Variants in UPF1 observed in about 807,000 individuals in gnomAD.
The protein encoded by UPF1 is regulator of nonsense transcripts 1.
In UPF1, 9 loss-of-function variants were observed where a neutral mutation model predicts 129.2. That is an observed-to-expected ratio of 0.07 (90% CI 0.04 to 0.12). UPF1 has a LOEUF of 0.12. Among genes scored for constraint, UPF1 ranks in the 10% least tolerant of loss-of-function variants. The pLI, the probability that UPF1 is intolerant of heterozygous loss-of-function variation, is 1.00. For missense variants in UPF1, 788 were observed against 1,525.3 expected (o/e 0.52, Z 8.05); for synonymous variants, 649 against 644.9 (o/e 1.01, Z -0.10).
At chr19:18,845,543 G>T (rs1214920372) in intron 1 of UPF1, among the ~76,000 whole-genome samples, 2 of 152,186 alleles carry the variant, frequency 1.3e-5, no homozygotes, top group African/African-American at 4.8e-5. Flanking sequence ...GATGTGGCCA[G>T]TGACATTTCC....
chr19:18,868,188 A>C lies in UPF1; in HGVS notation c.*1671A>C. On this transcript the variant is annotated 3_prime_UTR_variant, in exon 24 of 24. Transcript: ENST00000262803. Reference sequence around the variant, plus strand: ...GTAACTTTTGATTTTCGGTCAATTTAAGTTCTTTTGTCACCAAATATTAAT... The same window carrying C: ...GTAACTTTTGATTTTCGGTCAATTTCAGTTCTTTTGTCACCAAATATTAAT... 4.2e-6 allele frequency: 1 copy of C among 236,120 alleles called. No homozygotes were observed. Among genetic ancestry groups the C allele is most frequent in the Non-Finnish European group, 8.5e-6 (1 of 117,566 alleles). 14.6% of individuals were successfully genotyped at this position (236,120 alleles called of 1,614,324 possible).
intron 9 of UPF1, 85 bp downstream of exon 9, chr19:18,854,794 G>C (rs1175561124): frequency 4.4e-6 from 7 of 1,606,194 alleles, no homozygotes; most frequent in Non-Finnish European, 6.0e-6. Flanking sequence ...TGTGGAGTGG[G>C]GTTCCCCACC....
intron 3 of UPF1, 87 bp from the exon 4 acceptor site, chr19:18,849,988 A>C: frequency 1.3e-6 from 2 of 1,534,642 alleles, no homozygotes; most frequent in Non-Finnish European, 1.8e-6. Context: ...CGTGAACGGT[A>C]CCGGAACTTT....
At chr19:18,864,745 T>TTTG (rs1394374786) in intron 20 of UPF1, among the ~76,000 whole-genome samples, 4 of 141,828 alleles carry the variant, frequency 2.8e-5, no homozygotes, top group African/African-American at 7.9e-5. Context: ...TTTTTTTTTT[T>TTTG]TTTTTTTTTT....
intron 15 of UPF1, 112 bp downstream of exon 15, chr19:18,857,645 C>G: frequency 8.0e-7 from 1 of 1,253,066 alleles, no homozygotes; most frequent in Non-Finnish European, 1.1e-6. Context: ...CTTCACATAG[C>G]CACTGCTTGA....
intron 1 of UPF1, among the ~76,000 whole-genome samples, chr19:18,833,463 G>C (rs996569297): frequency 6.6e-6 from 1 of 151,840 alleles, no homozygotes; most frequent in Non-Finnish European, 1.5e-5. Context: ...TGGATGTTTA[G>C]AGAAGGTTAC....
At position 18,851,310 on chromosome 19, in the gene UPF1, G is replaced by A. The variant is rs1402701302; in HGVS notation, c.810+442G>A. Among the ~76,000 whole-genome samples, 2 of 152,164 alleles carry A rather than the reference G, an allele frequency of 1.3e-5. No homozygotes were observed. The highest frequency in any genetic ancestry group is 4.8e-5 in the African/African-American group (2 of 41,438). On this transcript the variant is annotated intron_variant, in intron 5 of 23. Transcript: ENST00000262803. This position sits in a 1 kb window ranked among gnomAD's most constrained non-coding sequence, Gnocchi z 4.2. Reference sequence around the variant, plus strand: ...GAGAGGGTGCCGGGTCAAGTAGTGGGTGCCTGGCCCTCCTTCCACAGACAG... The same window carrying A: ...GAGAGGGTGCCGGGTCAAGTAGTGGATGCCTGGCCCTCCTTCCACAGACAG...
chr19:18,855,317 G>A, intron 11 of UPF1, 75 bp downstream of exon 11: 15 of 1,525,578 alleles, frequency 9.8e-6, no homozygotes, highest in Non-Finnish European at 1.3e-5. Flanking sequence ...CTGGTGCTGG[G>A]AGCCTTGGGC....
At chr19:18,847,531 C>T (rs1212470586) in intron 2 of UPF1, among the ~76,000 whole-genome samples, 2 of 152,210 alleles carry the variant, frequency 1.3e-5, no homozygotes, top group South Asian at 4.1e-4. Flanking sequence ...CTCCTTATCC[C>T]CTCGGAGCTT....
intron 11 of UPF1, chr19:18,855,447 A>G (rs944313816): frequency 1.6e-6 from 1 of 642,764 alleles, no homozygotes; most frequent in South Asian, 2.0e-5. Context: ...CAGGTCTGCT[A>G]CTGGTTTAGA....
intron 9 of UPF1, 46 bp from the exon 10 acceptor site, chr19:18,854,833 G>C (rs750192347): frequency 1.2e-6 from 2 of 1,608,446 alleles, no homozygotes; most frequent in Admixed American, 3.3e-5. Context: ...ATGTCGGAGA[G>C]GCGGCCACAG....
At position 18,856,949 on chromosome 19, in the gene UPF1, A is replaced by C. The variant is rs771162068; in HGVS notation, c.1897A>C (p.Ile633Leu). Residue 633 changes from isoleucine (I) to leucine (L), a missense_variant, in exon 14 of 24, where the codon ATT becomes CTT. Physicochemically the swap from Ile to Leu is conservative, Grantham distance 5 (BLOSUM62 2). Coordinates refer to ENST00000262803, the MANE Select transcript of UPF1 (RefSeq NM_002911.4). ...GCTGGCCAAGATGCAGTTCCGCTCC[A>C]TTTTAATCGACGAAAGCACCCAGGC... The part of the protein sequence containing the change: ...PRLAKMQFRS[I>L]LIDESTQATE... 1.1e-5 allele frequency: 18 copies of C among 1,612,610 alleles called. No individual in the cohort carries two copies. The highest frequency in any genetic ancestry group is 1.4e-5 in the Non-Finnish European group (17 of 1,180,012).
At chr19:18,844,977 C>T (rs1316398375) in intron 1 of UPF1, among the ~76,000 whole-genome samples, 3 of 152,266 alleles carry the variant, frequency 2.0e-5, no homozygotes, top group Non-Finnish European at 4.4e-5. Context: ...GCAGGTAGCA[C>T]GTGCCCATGC....
chr19:18,850,953 A>G lies in UPF1; in HGVS notation c.810+85A>G. The G allele has an allele frequency of 7.1e-7, 1 of 1,414,206 alleles. No individual in the cohort carries two copies. The highest frequency in any genetic ancestry group is 9.3e-7 in the Non-Finnish European group (1 of 1,074,422). The allele number at this position is 1,414,206 out of a possible 1,614,324, so 87.6% of individuals were successfully genotyped here. A position where few individuals can be genotyped will look rare whatever the true frequency, so the allele number is the denominator to read the frequency against. On this transcript the variant is annotated intron_variant, in intron 5 of 23. Coordinates refer to ENST00000262803, the MANE Select transcript of UPF1 (RefSeq NM_002911.4). This position sits in a 1 kb window ranked among gnomAD's most constrained non-coding sequence, Gnocchi z 7.1. ...AGTGTCTTCAGAGACGGCTTGACCCAGTGAGACCGCTGGAGATTCTCTGAA... is the reference window on the plus strand; with the variant it reads ...AGTGTCTTCAGAGACGGCTTGACCCGGTGAGACCGCTGGAGATTCTCTGAA...
At chr19:18,843,280 C>T (rs1291954649) in intron 1 of UPF1, among the ~76,000 whole-genome samples, 3 of 152,072 alleles carry the variant, frequency 2.0e-5, no homozygotes, top group Non-Finnish European at 4.4e-5. Flanking sequence ...ACAGACAATG[C>T]CCCACGGGGG....
chr19:18,832,203 A>G lies in UPF1; in HGVS notation c.-7A>G, dbSNP rs762027013. The G allele has an allele frequency of 1.3e-6, 2 of 1,535,310 alleles. No individual in the cohort carries two copies. Among genetic ancestry groups the G allele is most frequent in the African/African-American group, 1.4e-5 (1 of 69,396 alleles). The stretch of plus-strand genomic sequence containing the variant: ...GAACCGGCCCGAGGGCCCTACCCGG[A>G]GGCACCATGAGCGTGGAGGCGTACG... On this transcript the variant is annotated 5_prime_UTR_variant, in exon 1 of 24. Coordinates refer to ENST00000262803, the MANE Select transcript of UPF1 (RefSeq NM_002911.4). The surrounding 1 kb of genome is among the most constrained non-coding windows in gnomAD (Gnocchi z 5.6).
intron 17 of UPF1, among the ~76,000 whole-genome samples, chr19:18,861,570 C>T (rs901326154): frequency 1.3e-5 from 2 of 152,228 alleles, no homozygotes; most frequent in African/African-American, 4.8e-5. Context: ...TCATGGCCCA[C>T]ACCTGGAGTC....
chr19:18,855,833 G>A, intron 11 of UPF1, 92 bp from the exon 12 acceptor site: 3 of 1,509,458 alleles, frequency 2.0e-6, no homozygotes, highest in Non-Finnish European at 1.8e-6. Context: ...GGGCAACAGA[G>A]CAAGACCCTG....
Position 18,832,377 on chromosome 19 carries a change from T to G in UPF1, c.168T>G (p.Gly56=), listed in dbSNP as rs2055436220. The change falls in exon 1 of 24, where the codon GGT becomes GGG. Residue 56 remains glycine, a synonymous_variant. Transcript: ENST00000262803. This position sits in a 1 kb window ranked among gnomAD's most constrained non-coding sequence, Gnocchi z 5.6. ...CCGGCGGCCCCGGCGGCCCGGGCGGTGGCGGCGCGGGAGGCCCGGGCGGCG... is the reference window on the plus strand; with the variant it reads ...CCGGCGGCCCCGGCGGCCCGGGCGGGGGCGGCGCGGGAGGCCCGGGCGGCG... The part of the protein sequence containing the change: ...TPPGGPGGPG[G]GGAGGPGGAG... 1 of 1,227,580 alleles carries G rather than the reference T, an allele frequency of 8.1e-7. No homozygotes were observed. The highest frequency in any genetic ancestry group is 2.2e-5 in the South Asian group (1 of 45,722). The allele number at this position is 1,227,580 out of a possible 1,614,324, so 76.0% of individuals were successfully genotyped here.
Sources: gnomAD v4.1 joint callset for allele counts (sites outside exome capture counted in the v4.1 genomes callset) on GRCh38, gnomAD v4.1.1 for gene constraint, Gnocchi (gnomAD v3.1) non-coding constraint, MANE v1.5 for transcripts, NCBI Gene and HGNC (gene_info 2026-07-23, HGNC 2026-07-21) for gene names.